Variants in PCNX2 observed in about 807,000 individuals in gnomAD.
The protein encoded by PCNX2 is pecanex-like protein 2.
In PCNX2, 168 loss-of-function variants were observed where a neutral mutation model predicts 223.8. That is an observed-to-expected ratio of 0.75 (90% confidence interval 0.66 to 0.85). The LOEUF (loss-of-function observed/expected upper bound fraction) is 0.85, where lower values mean the gene tolerates loss of function less well. PCNX2 is among the 40% of genes least tolerant of loss of function. The pLI, the probability that PCNX2 is intolerant of heterozygous loss-of-function variation, is 0.00. For synonymous variants in PCNX2, 1,006 were observed against 1,052.6 expected (o/e 0.96, Z 0.86); for missense variants, 2,507 against 2,675.5 (o/e 0.94, Z 1.39).
At chr1:233,200,365 A>AGGAATACT (rs1157406488) in intron 13 of PCNX2, 101 bp from the exon 14 acceptor site, 1 of 528,544 alleles carries the variant, frequency 1.9e-6, no homozygotes, top group African/African-American at 2.1e-5. Flanking sequence ...CACCCCACCC[A>AGGAATACT]GGAATACTGG....
At chr1:233,069,839 A>G (rs1672773828) in intron 23 of PCNX2, among the ~76,000 whole-genome samples, 1 of 152,144 alleles carries the variant, frequency 6.6e-6, no homozygotes, top group Admixed American at 6.5e-5. Context: ...GAAAAAGAAG[A>G]GCAAAGAAAA....
the PCNX2 span, among the ~76,000 whole-genome samples, chr1:233,302,032 G>A: frequency 2.8e-4 from 43 of 152,134 alleles, no homozygotes; most frequent in Non-Finnish European, 8.8e-5. Flanking sequence ...CTGACCTCGG[G>A]TAATGCCCCC....
the PCNX2 span, among the ~76,000 whole-genome samples, chr1:233,324,373 G>T: frequency 1.3e-5 from 2 of 152,154 alleles, no homozygotes; most frequent in African/African-American, 4.8e-5. Context: ...TGCCATCTAG[G>T]ACTTTCATAA....
intron 13 of PCNX2, among the ~76,000 whole-genome samples, chr1:233,206,273 C>T (rs1484834179): frequency 6.6e-6 from 1 of 152,062 alleles, no homozygotes; most frequent in Non-Finnish European, 1.5e-5. Context: ...TCTTGGACAT[C>T]TTCCAAAATT....
At chr1:233,120,146 GA>G (rs1675686728) in intron 21 of PCNX2, among the ~76,000 whole-genome samples, 1 of 117,446 alleles carries the variant, frequency 8.5e-6, no homozygotes, top group Non-Finnish European at 1.6e-5. Context: ...CAGCCTGGGT[GA>G]CAGTGAGACT....
chr1:233,091,694 T>C (rs1014751084), intron 22 of PCNX2, among the ~76,000 whole-genome samples: 1 of 149,352 alleles, frequency 6.7e-6, no homozygotes, highest in Admixed American at 6.7e-5. Flanking sequence ...AATTGCACTG[T>C]TGCACTCCAG....
intron 17 of PCNX2, among the ~76,000 whole-genome samples, chr1:233,164,324 A>G (rs1291364546): frequency 6.6e-6 from 1 of 152,194 alleles, no homozygotes; most frequent in East Asian, 1.9e-4. Flanking sequence ...AACCTTACAG[A>G]CTGTTGGTGG....
At chr1:233,019,087 G>A (rs372964645) in intron 26 of PCNX2, 3 of 985,098 alleles carry the variant, frequency 3.0e-6, no homozygotes, top group African/African-American at 1.7e-5. Flanking sequence ...TGGTTTCAAG[G>A]GTTTTTTTTT....
chr1:233,195,703 C>T (rs1239629260), intron 15 of PCNX2, among the ~76,000 whole-genome samples: 2 of 152,074 alleles, frequency 1.3e-5, no homozygotes, highest in Admixed American at 1.3e-4. Flanking sequence ...TTTAAAATAA[C>T]ATATAATGCA....
At chr1:233,057,394 G>T in intron 23 of PCNX2, 104 bp from the exon 24 acceptor site, 1 of 840,898 alleles carries the variant, frequency 1.2e-6, no homozygotes, top group South Asian at 1.5e-5. Context: ...AAAGGTGACA[G>T]ATCTCACAGG....
the PCNX2 span, among the ~76,000 whole-genome samples, chr1:233,312,773 G>A: frequency 1.3e-5 from 2 of 152,112 alleles, no homozygotes; most frequent in Admixed American, 6.5e-5. Context: ...AGAGTACAAG[G>A]ATGGTCAATA....
intron 13 of PCNX2, among the ~76,000 whole-genome samples, chr1:233,203,678 C>T (rs1050979436): frequency 6.6e-6 from 1 of 152,170 alleles, no homozygotes. Context: ...CCTGACTTAT[C>T]TCATACCACT....
At position 232,990,547 on chromosome 1, in the gene PCNX2, C is replaced by G. The variant is rs920824282; in HGVS notation, c.5792-4007G>C. Among the ~76,000 whole-genome samples the G allele has an allele frequency of 1.1e-4, 16 of 152,176 alleles. No homozygotes were observed. The highest frequency in any genetic ancestry group is 3.9e-4 in the African/African-American group (16 of 41,440). ...AACTCTGAGACCCAAGGGCTTTGCACCCTCGCCCTCTAGGGAAGCTGTAGT... is the reference window on the plus strand; with the variant it reads ...AACTCTGAGACCCAAGGGCTTTGCAGCCTCGCCCTCTAGGGAAGCTGTAGT... On this transcript the variant is annotated intron_variant, in intron 32 of 33. Transcript: ENST00000258229. The surrounding 1 kb of genome is among the most constrained non-coding windows in gnomAD (Gnocchi z 4.3).
chr1:233,308,136 A>T, the PCNX2 span, among the ~76,000 whole-genome samples: 12 of 152,220 alleles, frequency 7.9e-5, no homozygotes, highest in African/African-American at 2.9e-4. Flanking sequence ...TGAAGAAATG[A>T]TATAACTAAC....
chr1:232,989,371 G>T (rs963485383), intron 32 of PCNX2, among the ~76,000 whole-genome samples: 12 of 152,074 alleles, frequency 7.9e-5, no homozygotes, highest in African/African-American at 2.7e-4. Context: ...GGAGAATGGC[G>T]TGAACCCAGG....
chr1:232,998,182 AC>A, intron 32 of PCNX2, 68 bp downstream of exon 32: 1 of 1,407,242 alleles, frequency 7.1e-7, no homozygotes, highest in Non-Finnish European at 9.3e-7. Flanking sequence ...CAACATCATA[AC>A]TCAGGGCATT....
At chr1:233,105,976 A>G (rs1183913273) in intron 21 of PCNX2, among the ~76,000 whole-genome samples, 1 of 152,150 alleles carries the variant, frequency 6.6e-6, no homozygotes, top group Non-Finnish European at 1.5e-5. Flanking sequence ...GTGTTTCTGC[A>G]TGTGTTGGGG....
chr1:232,987,729 T>G (rs1339853215), intron 32 of PCNX2, among the ~76,000 whole-genome samples: 2 of 152,166 alleles, frequency 1.3e-5, no homozygotes, highest in Non-Finnish European at 2.9e-5. Context: ...GGGATACACA[T>G]TACGAAGGGG....
In PCNX2 at chr1:233,253,011, G is replaced by A. The variant is rs1207419765; in HGVS notation, c.1835-223C>T. On this transcript the variant is annotated intron_variant, in intron 5 of 33. Coordinates refer to ENST00000258229, the MANE Select transcript of PCNX2 (RefSeq NM_014801.4). The surrounding 1 kb of genome is among the most constrained non-coding windows in gnomAD (Gnocchi z 4.2). ...TAAGTTTGAGACATGTTATTTAGGT[G>A]TCTACAAACACCTACTATTTTATAT... 6.6e-6 allele frequency among the ~76,000 whole-genome samples: 1 copy of A among 152,114 alleles called. No homozygotes were observed. The highest frequency in any genetic ancestry group is 1.5e-5 in the Non-Finnish European group (1 of 68,044).
Sources: gnomAD v4.1 joint callset for allele counts (sites outside exome capture counted in the v4.1 genomes callset) on GRCh38, gnomAD v4.1.1 for gene constraint, Gnocchi (gnomAD v3.1) non-coding constraint, MANE v1.5 for transcripts, NCBI Gene and HGNC (gene_info 2026-07-23, HGNC 2026-07-21) for gene names.